Variants in CD47 observed in about 807,000 individuals in gnomAD.
The protein encoded by CD47 is CD47 molecule.
Under a neutral mutation model 44.6 loss-of-function variants are expected in CD47, and 11 were observed. The observed-to-expected ratio is 0.25, with a 90% CI of 0.16 to 0.41. The LOEUF (loss-of-function observed/expected upper bound fraction) is 0.41, where lower values mean the gene tolerates loss of function less well. CD47 is among the 10% of genes least tolerant of loss of function. The pLI is 1.00. For synonymous variants in CD47, 140 were observed against 136.3 expected, an observed-to-expected ratio of 1.03 and a Z score of -0.19; for missense variants, 306 against 386.7, an observed-to-expected ratio of 0.79 and a Z score of 1.75.
At chr3:108,059,380 C>A (rs544813253) in intron 5 of CD47, 72 bp downstream of exon 5, 3 of 683,500 alleles carry the variant, frequency 4.4e-6, no homozygotes, top group Non-Finnish European at 7.3e-6. Flanking sequence ...TTTATATGAG[C>A]ATTTTCACCA....
Position 108,057,529 on chromosome 3 carries a change from C to G in CD47, c.825G>C (p.Leu275Phe). 1 of 1,588,142 alleles carries G rather than the reference C, an allele frequency of 6.3e-7. No individual in the cohort carries two copies. The highest frequency in any genetic ancestry group is 8.6e-7 in the Non-Finnish European group (1 of 1,156,834). The change falls in exon 7 of 11, where the codon TTG (leucine) becomes TTC (phenylalanine). Residue 275 changes from leucine to phenylalanine, a missense_variant. Around this residue, in one of 5 missense-constraint regions of CD47, gnomAD observed 131 missense variants for 135.3 expected, o/e 0.97. Transcript: ENST00000361309. ...PMHGPLLISG[L>F]SILALAQLLG... is the part of the protein sequence containing the mutation. Reference sequence around the variant, plus strand: ...GTAATTGTGCTAGAGCTAAGATACTCAAACCTGAAATCAGAAGAGGGCCAT... The same window carrying G: ...GTAATTGTGCTAGAGCTAAGATACTGAAACCTGAAATCAGAAGAGGGCCAT...
intron 3 of CD47, among the ~76,000 whole-genome samples, chr3:108,064,091 C>T (rs1406404305): frequency 6.6e-6 from 1 of 152,066 alleles, no homozygotes; most frequent in Non-Finnish European, 1.5e-5. Flanking sequence ...TACAATGTAC[C>T]AGCCCCTTTT....
At chr3:108,049,473 A>C in intron 10 of CD47, 146 bp downstream of exon 10, 1 of 676,478 alleles carries the variant, frequency 1.5e-6, no homozygotes. Context: ...AAGTAGATTT[A>C]AGTTGTATAC....
chr3:108,065,587 C>T (rs1367122534), intron 3 of CD47, among the ~76,000 whole-genome samples: 7 of 151,942 alleles, frequency 4.6e-5, no homozygotes, highest in African/African-American at 9.6e-5. Context: ...CCGAGACAGA[C>T]GGATCACGAG....
At chr3:108,064,259 G>A (rs1204757705) in intron 3 of CD47, among the ~76,000 whole-genome samples, 1 of 152,208 alleles carries the variant, frequency 6.6e-6, no homozygotes, top group Non-Finnish European at 1.5e-5. Context: ...ATGGGTGAGT[G>A]TGTGTGTTTG....
intron 1 of CD47, among the ~76,000 whole-genome samples, chr3:108,085,180 C>A (rs1223107601): frequency 6.6e-6 from 1 of 152,084 alleles, no homozygotes; most frequent in African/African-American, 2.4e-5. Flanking sequence ...GCACTCTCAT[C>A]CCCATGCCTT....
chr3:108,066,968 G>A (rs2079114657), intron 3 of CD47, among the ~76,000 whole-genome samples: 1 of 152,188 alleles, frequency 6.6e-6, no homozygotes, highest in Non-Finnish European at 1.5e-5. Flanking sequence ...CATTGAGAGT[G>A]CAAAGGATAA....
At position 108,044,448 on chromosome 3, in the gene CD47, C is replaced by CAAAAAAAAAAAAAAAAAAAAAA. The variant is rs869104856; in HGVS notation, c.*2839_*2840insTTTTTTTTTTTTTTTTTTTTTT. On this transcript the variant is annotated 3_prime_UTR_variant, in exon 11 of 11. Coordinates refer to ENST00000361309, the MANE Select transcript of CD47 (RefSeq NM_001777.4). ...AAAAAAAAAAAAAAAAAAAAAAAAA[C>CAAAAAAAAAAAAAAAAAAAAAA]AAAAAAAAAAAACAGAAAGAAAGAA... is the stretch of plus-strand genomic sequence containing the variant. The CAAAAAAAAAAAAAAAAAAAAAA allele has an allele frequency of 1.7e-5, 1 of 60,206 alleles. No individual in the cohort carries two copies. The highest frequency in any genetic ancestry group is 3.6e-5 in the Non-Finnish European group (1 of 28,126). 3.7% of individuals were successfully genotyped at this position (60,206 alleles called of 1,614,324 possible). A position where few individuals can be genotyped will look rare whatever the true frequency, so the allele number is the denominator to read the frequency against.
intron 10 of CD47, among the ~76,000 whole-genome samples, chr3:108,048,561 G>T (rs901010009): frequency 1.3e-5 from 2 of 151,520 alleles, no homozygotes; most frequent in South Asian, 2.1e-4. Context: ...ATTTTTTGTA[G>T]TTTTAGTAGA....
rs776599394 is a variant in CD47, at chr3:108,057,513, C to T, written c.841G>A (p.Ala281Thr). The T allele has an allele frequency of 2.5e-6, 4 of 1,580,226 alleles. No individual in the cohort carries two copies. In the Admixed American group the frequency reaches 6.7e-5, roughly 26 times the overall value. The part of the protein sequence containing the change: ...LISGLSILAL[A>T]QLLGLVYMKF... The stretch of plus-strand genomic sequence containing the variant: ...ATATAAACTAGTCCAAGTAATTGTG[C>T]TAGAGCTAAGATACTCAAACCTGAA... The change falls in exon 7 of 11, where the codon GCA becomes ACA. Residue 281 changes from alanine (A) to threonine (T), a missense_variant. Ala to Thr is a moderately conservative substitution (Grantham distance 58, BLOSUM62 0). This residue lies in a region of CD47 where 131 missense variants were observed against 135.3 expected (regional missense o/e 0.97). Transcript: ENST00000361309.
chr3:108,059,954 C>T (rs527324488), intron 4 of CD47, among the ~76,000 whole-genome samples: 22 of 152,166 alleles, frequency 1.4e-4, no homozygotes, highest in Non-Finnish European at 2.8e-4. Flanking sequence ...AGCCCATGTT[C>T]CTAAATATTA....
At chr3:108,051,491 C>G (rs1379266024) in intron 8 of CD47, among the ~76,000 whole-genome samples, 2 of 152,136 alleles carry the variant, frequency 1.3e-5, no homozygotes, top group African/African-American at 2.4e-5. Context: ...TAACTCCGAA[C>G]AGATGTTTTC....
Position 108,057,564 on chromosome 3 carries a change from T to C in CD47, c.790A>G (p.Ile264Val). The C allele has an allele frequency of 1.3e-6, 2 of 1,482,388 alleles. No individual in the cohort carries two copies. Among genetic ancestry groups the C allele is most frequent in the Non-Finnish European group, 1.9e-6 (2 of 1,063,272 alleles). The allele number at this position is 1,482,388 out of a possible 1,614,324, so 91.8% of individuals were successfully genotyped here. A position where few individuals can be genotyped will look rare whatever the true frequency, so the allele number is the denominator to read the frequency against. Residue 264 changes from isoleucine to valine, a missense_variant, in exon 7 of 11, where the codon ATA (isoleucine) becomes GTA (valine). By Grantham distance (29) the Ile-to-Val change is conservative (BLOSUM62 3). This residue lies in a region of CD47 where 131 missense variants were observed against 135.3 expected (regional missense o/e 0.97). Transcript: ENST00000361309. ...ATCAGAAGAGGGCCATGCATTGGTATACACGCTGTAAAAACAAATAAAATT... is the reference window on the plus strand; with the variant it reads ...ATCAGAAGAGGGCCATGCATTGGTACACACGCTGTAAAAACAAATAAAATT... ...VGLSLCIAAC[I>V]PMHGPLLISG...
intron 2 of CD47, among the ~76,000 whole-genome samples, chr3:108,072,610 G>A (rs2079226187): frequency 6.6e-6 from 1 of 152,130 alleles, no homozygotes; most frequent in South Asian, 2.1e-4. Context: ...ACTGAGAGAT[G>A]TTTTTGGATA....
In CD47 at chr3:108,043,119, ACT is replaced by A. The variant is rs2078656324; in HGVS notation, c.*4167_*4168del. 1 of 152,428 alleles carries A rather than the reference ACT, an allele frequency of 6.6e-6. No individual in the cohort carries two copies. The highest frequency in any genetic ancestry group is 2.1e-4 in the South Asian group (1 of 4,832). 9.4% of individuals were successfully genotyped at this position (152,428 alleles called of 1,614,324 possible). On this transcript the variant is annotated 3_prime_UTR_variant, in exon 11 of 11. Coordinates refer to ENST00000361309, the MANE Select transcript of CD47 (RefSeq NM_001777.4). The stretch of plus-strand genomic sequence containing the variant: ...GACTGATTTAAAACTTTTAATTAAA[ACT>A]CTGCTCTAATTAAAAGCTTATTGGG...
chr3:108,079,751 C>T (rs1452176127), intron 2 of CD47, among the ~76,000 whole-genome samples: 2 of 151,762 alleles, frequency 1.3e-5, no homozygotes, highest in East Asian at 3.8e-4. Context: ...TTGAGAACCA[C>T]ACAATATACA....
intron 3 of CD47, among the ~76,000 whole-genome samples, chr3:108,064,044 G>A (rs1374776036): frequency 6.6e-6 from 1 of 152,150 alleles, no homozygotes; most frequent in African/African-American, 2.4e-5. Flanking sequence ...TGTTGGGTTG[G>A]TTCATTCATC....
intron 1 of CD47, among the ~76,000 whole-genome samples, chr3:108,089,363 T>C (rs1215386463): frequency 6.6e-6 from 1 of 152,252 alleles, no homozygotes; most frequent in Non-Finnish European, 1.5e-5. Flanking sequence ...ACATAAATCC[T>C]ATCACTCAAA....
chr3:108,090,952 G>A lies in CD47; in HGVS notation c.-44C>T, dbSNP rs1006794342. 7.3e-7 allele frequency: 1 copy of A among 1,374,824 alleles called. No homozygotes were observed. Among genetic ancestry groups the A allele is most frequent in the Non-Finnish European group, 9.6e-7 (1 of 1,044,692 alleles). The allele number at this position is 1,374,824 out of a possible 1,614,324, so 85.2% of individuals were successfully genotyped here. A position where few individuals can be genotyped will look rare whatever the true frequency, so the allele number is the denominator to read the frequency against. ...GTCGCCGCCGCCGCCGCAGGTGTCC[G>A]GAGCAGCAGCCGCCGCCGCCGTTAC... is the stretch of plus-strand genomic sequence containing the variant. On this transcript the variant is annotated 5_prime_UTR_variant, in exon 1 of 11. Coordinates refer to ENST00000361309, the MANE Select transcript of CD47 (RefSeq NM_001777.4).
Sources: gnomAD v4.1 joint callset for allele counts (sites outside exome capture counted in the v4.1 genomes callset) on GRCh38, gnomAD v4.1.1 for gene constraint, gnomAD v4.1.1 regional missense constraint, MANE v1.5 for transcripts, NCBI Gene and HGNC (gene_info 2026-07-23, HGNC 2026-07-21) for gene names.